Variants in FSTL5 observed in about 807,000 individuals in gnomAD.
The protein encoded by FSTL5 is follistatin-related protein 5.
A neutral mutation model predicts 89.1 loss-of-function variants in FSTL5; 62 were observed. The ratio of observed to expected loss-of-function variants is 0.70; its 90% CI spans 0.57 to 0.86. FSTL5 has a LOEUF of 0.86. Among genes scored for constraint, FSTL5 ranks in the 40% least tolerant of loss-of-function variants. The pLI is 0.00. For missense variants in FSTL5, 1,057 were observed against 1,001.6 expected (o/e 1.06, Z -0.75); for synonymous variants, 383 against 346.2 (o/e 1.11, Z -1.18).
intron 4 of FSTL5, among the ~76,000 whole-genome samples, chr4:161,809,862 T>G (rs776150904): frequency 2.0e-5 from 3 of 152,184 alleles, no homozygotes; most frequent in Non-Finnish European, 4.4e-5. Flanking sequence ...TTAATAGGTA[T>G]AGAGTTTCAG....
intron 6 of FSTL5, among the ~76,000 whole-genome samples, chr4:161,713,276 TA>T (rs1301030048): frequency 6.6e-6 from 1 of 152,210 alleles, no homozygotes; most frequent in African/African-American, 2.4e-5. Flanking sequence ...ATGCTGTTAA[TA>T]ATTTTGCCTG....
intron 4 of FSTL5, among the ~76,000 whole-genome samples, chr4:161,878,014 G>GATTTACAA (rs1732505174): frequency 6.6e-6 from 1 of 151,616 alleles, no homozygotes; most frequent in African/African-American, 2.4e-5. Flanking sequence ...TACTTATATA[G>GATTTACAA]ATTTACAAAT....
chr4:162,117,241 C>T (rs1731677560), intron 1 of FSTL5, among the ~76,000 whole-genome samples: 1 of 152,102 alleles, frequency 6.6e-6, no homozygotes, highest in Non-Finnish European at 1.5e-5. Context: ...CTGGGTGGGC[C>T]CCATCTGTCA....
At chr4:161,816,419 A>T (rs1730328153) in intron 4 of FSTL5, among the ~76,000 whole-genome samples, 1 of 152,204 alleles carries the variant, frequency 6.6e-6, no homozygotes, top group South Asian at 2.1e-4. Flanking sequence ...GTGTATAAAA[A>T]TTCATGTGGC....
chr4:161,597,311 T>A (rs1443634305), intron 7 of FSTL5, among the ~76,000 whole-genome samples: 1 of 152,064 alleles, frequency 6.6e-6, no homozygotes, highest in African/African-American at 2.4e-5. Context: ...TTCTTGTTTT[T>A]CTCAGGTTTG....
chr4:161,638,762 A>C lies in FSTL5; in HGVS notation c.894+17566T>G, dbSNP rs1273823487. ...CAAAAATCCTCAATAAAATACTGGC[A>C]AAACGAATCCAGCAGCACATCAAAA... On this transcript the variant is annotated intron_variant, in intron 7 of 15. Coordinates refer to ENST00000306100, the MANE Select transcript of FSTL5 (RefSeq NM_020116.5). 2.2e-5 allele frequency among the ~76,000 whole-genome samples: 3 copies of C among 134,078 alleles called. No homozygotes were observed. In the East Asian group the frequency reaches 6.1e-4, roughly 27 times the overall value. The allele number at this position is 134,078 out of a possible 152,430, so 88.0% of individuals were successfully genotyped here. A position where few individuals can be genotyped will look rare whatever the true frequency, so the allele number is the denominator to read the frequency against.
intron 3 of FSTL5, among the ~76,000 whole-genome samples, chr4:162,018,504 T>C (rs886810482): frequency 2.7e-5 from 4 of 149,428 alleles, no homozygotes; most frequent in African/African-American, 7.3e-5. Context: ...AGAGTAACGA[T>C]TTAATAATTG....
chr4:161,964,227 C>G (rs959931435), intron 3 of FSTL5, among the ~76,000 whole-genome samples: 1 of 151,926 alleles, frequency 6.6e-6, no homozygotes, highest in African/African-American at 2.4e-5. Flanking sequence ...TGGCAGTCAT[C>G]TGCCTGAGGT....
intron 2 of FSTL5, among the ~76,000 whole-genome samples, chr4:162,107,785 T>C (rs1731280189): frequency 6.6e-6 from 1 of 152,136 alleles, no homozygotes; most frequent in African/African-American, 2.4e-5. Context: ...TCTGGCCTTT[T>C]CGTCCCTATG....
At chr4:161,684,599 C>G (rs534328966) in intron 6 of FSTL5, among the ~76,000 whole-genome samples, 1 of 152,128 alleles carries the variant, frequency 6.6e-6, no homozygotes, top group African/African-American at 2.4e-5. Flanking sequence ...GTCCTTAGCC[C>G]ACTTTTTGAT....
intron 3 of FSTL5, among the ~76,000 whole-genome samples, chr4:162,002,584 G>C (rs1004555905): frequency 6.6e-6 from 1 of 152,106 alleles, no homozygotes; most frequent in Admixed American, 6.5e-5. Context: ...TATGTTTCAT[G>C]GTAGTCACAT....
chr4:161,830,059 A>C (rs1260578361), intron 4 of FSTL5, among the ~76,000 whole-genome samples: 2 of 152,108 alleles, frequency 1.3e-5, no homozygotes, highest in East Asian at 1.9e-4. Flanking sequence ...GAAACAAAAA[A>C]ATATGGACTT....
chr4:161,946,877 A>G (rs1218603178), intron 3 of FSTL5, among the ~76,000 whole-genome samples: 1 of 152,134 alleles, frequency 6.6e-6, no homozygotes, highest in Non-Finnish European at 1.5e-5. Flanking sequence ...GCCACCTGTT[A>G]AATCTTAGAC....
intron 2 of FSTL5, among the ~76,000 whole-genome samples, chr4:162,044,401 A>G (rs547659664): frequency 6.6e-6 from 1 of 152,278 alleles, no homozygotes; most frequent in South Asian, 2.1e-4. Flanking sequence ...TATTCAGTAA[A>G]CCATGCGGTA....
At chr4:161,984,976 A>C (rs59190885) in intron 3 of FSTL5, among the ~76,000 whole-genome samples, 23,061 of 149,802 alleles carry the variant, frequency 0.15, 2,174 homozygotes, top group Non-Finnish European at 0.2. Context: ...TTTTTTTTTA[A>C]GACATAGTCT....
intron 2 of FSTL5, among the ~76,000 whole-genome samples, chr4:162,062,887 C>T (rs1738768054): frequency 6.6e-6 from 1 of 151,408 alleles, no homozygotes; most frequent in South Asian, 2.1e-4. Flanking sequence ...TCTATATAGA[C>T]AAAATATTGT....
intron 15 of FSTL5, among the ~76,000 whole-genome samples, chr4:161,424,594 T>C (rs1337098035): frequency 2.6e-5 from 4 of 152,078 alleles, no homozygotes; most frequent in Non-Finnish European, 4.4e-5. Context: ...TATTTTTTTC[T>C]AAAGAAAGGG....
intron 5 of FSTL5, among the ~76,000 whole-genome samples, chr4:161,767,171 T>C (rs1180626733): frequency 6.6e-6 from 1 of 152,194 alleles, no homozygotes; most frequent in Non-Finnish European, 1.5e-5. Flanking sequence ...ACTTTTTTTC[T>C]ACATGTTGGC....
At chr4:162,142,799 G>C (rs765653709) in intron 1 of FSTL5, among the ~76,000 whole-genome samples, 3 of 152,102 alleles carry the variant, frequency 2.0e-5, no homozygotes, top group African/African-American at 7.2e-5. Flanking sequence ...TATTTTGACT[G>C]TCAATTTTTA....
Sources: allele counts gnomAD v4.1 joint callset (sites outside exome capture counted in the v4.1 genomes callset), GRCh38; gene constraint gnomAD v4.1.1; transcripts MANE v1.5; gene names NCBI Gene and HGNC (gene_info 2026-07-23, HGNC 2026-07-21).